Variants in NEB observed in about 807,000 individuals in gnomAD.
NEB encodes the protein nebulin.
A neutral mutation model predicts 952.2 loss-of-function variants in NEB; 512 were observed. The observed-to-expected ratio is 0.54, with a 90% CI of 0.50 to 0.58. The LOEUF is 0.58. Ranked by LOEUF, NEB falls within the 20% of genes least tolerant of loss-of-function variation. The pLI is 0.00. For synonymous variants in NEB, 2,900 were observed against 3,149.8 expected (o/e 0.92, Z 2.66); for missense variants, 8,428 against 9,231.1 (o/e 0.91, Z 3.56).
chr2:151,570,590 A>G lies in NEB; in HGVS notation c.17025T>C (p.Arg5675=). The G allele has an allele frequency of 6.3e-7, 1 of 1,595,374 alleles. No individual in the cohort carries two copies. Among genetic ancestry groups the G allele is most frequent in the Non-Finnish European group, 8.5e-7 (1 of 1,170,628 alleles). The change falls in exon 108 of 182, where the codon CGT becomes CGC. Residue 5675 remains arginine (R), a synonymous_variant. Transcript: ENST00000397345. ...CCGCCTTCATTTCATCCCAGCCCTCACGGTAAAGTTTCTGAAAAGGAGAAA... is the reference window on the plus strand; with the variant it reads ...CCGCCTTCATTTCATCCCAGCCCTCGCGGTAAAGTTTCTGAAAAGGAGAAA... ...NALNVSNKLY[R]EGWDEMKAGC...
intron 8 of NEB, among the ~76,000 whole-genome samples, chr2:151,724,000 C>T (rs1307201457): frequency 6.6e-6 from 1 of 152,040 alleles, no homozygotes; most frequent in African/African-American, 2.4e-5. Flanking sequence ...TTCTCCAGAG[C>T]ACCTTTATTC....
In NEB at chr2:151,697,172, A is replaced by C. The variant is rs771153817; in HGVS notation, c.1446T>G (p.Ile482Met). The change falls in exon 16 of 182, where the codon ATT becomes ATG. Residue 482 changes from isoleucine to methionine, a missense_variant. Around this residue, in one of 11 missense-constraint regions of NEB, gnomAD observed 2,851 missense variants for 2,791.5 expected, o/e 1.02. Transcript: ENST00000397345. ...CGTCTTTACACTGATCTAGTTTCTT[A>C]ATTGCTTCATATTCTTGAGTTATGG... ...PQTITQEYEA[I>M]KKLDQCKDHT... 6.2e-6 allele frequency: 10 copies of C among 1,613,374 alleles called. No individual in the cohort carries two copies. The Admixed American group carries it at 1.5e-4, about 24-fold the overall frequency.
rs2098615768 is a variant in NEB, at chr2:151,629,616, T to G, written c.9754A>C (p.Lys3252Gln). 6.2e-7 allele frequency: 1 copy of G among 1,613,792 alleles called. No homozygotes were observed. Among genetic ancestry groups the G allele is most frequent in the South Asian group, 1.1e-5 (1 of 91,084 alleles). The part of the protein sequence containing the change: ...TLYKLANEEA[K>Q]KKGYDLRSDA... ...CTTCGCAAGTCGTAGCCTTTCTTTT[T>G]TGCTTCTTCATTGGCAAGTTTGTAT... The change falls in exon 68 of 182, where the codon AAA (lysine) becomes CAA (glutamine). Residue 3252 changes from lysine to glutamine, a missense_variant. Transcript: ENST00000397345.
intron 169 of NEB, among the ~76,000 whole-genome samples, 162 bp downstream of exon 169, chr2:151,499,136 C>A (rs996156947): frequency 6.6e-6 from 1 of 151,548 alleles, no homozygotes; most frequent in African/African-American, 2.4e-5. Context: ...AATGTTTTAC[C>A]AAAATGGGGA....
chr2:151,715,334 T>C (rs1364807521), intron 10 of NEB, among the ~76,000 whole-genome samples: 1 of 152,272 alleles, frequency 6.6e-6, no homozygotes, highest in Non-Finnish European at 1.5e-5. Context: ...AACATTCTTT[T>C]CTTCATAATT....
chr2:151,521,699 C>A (rs543356769), intron 153 of NEB, among the ~76,000 whole-genome samples: 2 of 152,176 alleles, frequency 1.3e-5, no homozygotes, highest in East Asian at 3.9e-4. Flanking sequence ...AGCAGCAATC[C>A]CATTGATTCC....
At chr2:151,711,220 T>C (rs924330320) in intron 10 of NEB, among the ~76,000 whole-genome samples, 4 of 152,190 alleles carry the variant, frequency 2.6e-5, no homozygotes, top group African/African-American at 9.6e-5. Context: ...TACACTAAAC[T>C]GAGACCATGA....
At chr2:151,694,698 G>A in intron 18 of NEB, 69 bp from the exon 19 acceptor site, 1 of 1,165,568 alleles carries the variant, frequency 8.6e-7, no homozygotes, top group Non-Finnish European at 1.3e-6. Flanking sequence ...AAAGACTAGT[G>A]GGTAACTAAA....
intron 157 of NEB, 54 bp downstream of exon 157, chr2:151,516,405 T>G: frequency 8.0e-7 from 1 of 1,249,316 alleles, no homozygotes; most frequent in South Asian, 1.3e-5. Context: ...GGGCAGAGCT[T>G]GTGTTCAGTA....
At chr2:151,529,457 G>A in intron 145 of NEB, 143 bp from the exon 146 acceptor site, 1 of 644,080 alleles carries the variant, frequency 1.6e-6, no homozygotes, top group Non-Finnish European at 2.8e-6. Context: ...TGTGGAGCAA[G>A]GATACAGCCA....
At chr2:151,636,551 G>A (rs561773632) in intron 63 of NEB, among the ~76,000 whole-genome samples, 18 of 152,196 alleles carry the variant, frequency 1.2e-4, no homozygotes, top group Admixed American at 9.8e-4. Context: ...AGGCAGAGGC[G>A]GGTGGATCAC....
rs147475315 is a variant in NEB at position 151,610,671 on chromosome 2, G to A, written c.11911-48C>T. On this transcript the variant is annotated intron_variant, in intron 79 of 181. Transcript: ENST00000397345. ...CAGAAAATAAGAGTGTTTGAGGAAG[G>A]TAATAGGCCAATTCCAGAAAGGAAA... is the stretch of plus-strand genomic sequence containing the variant. The A allele has an allele frequency of 9.6e-5, 151 of 1,572,856 alleles. 1 individual carries two copies. In the East Asian group the frequency reaches 2.7e-3, roughly 28 times the overall value.
At chr2:151,659,381 C>T (rs1256649938) in intron 46 of NEB, among the ~76,000 whole-genome samples, 1 of 152,092 alleles carries the variant, frequency 6.6e-6, no homozygotes, top group Non-Finnish European at 1.5e-5. Context: ...ACTGCAACCT[C>T]CACCTCCCAG....
chr2:151,698,189 C>T (rs2099611194), intron 13 of NEB, among the ~76,000 whole-genome samples: 1 of 152,172 alleles, frequency 6.6e-6, no homozygotes. Context: ...TTCATACATT[C>T]CAAACTCAAA....
At chr2:151,492,007 T>G in intron 178 of NEB, 91 bp downstream of exon 178, 1 of 1,342,094 alleles carries the variant, frequency 7.5e-7, no homozygotes, top group Non-Finnish European at 1.0e-6. Context: ...TTGAAGTCCT[T>G]TATGTTTTGA....
At chr2:151,650,148 A>G (rs1490544160) in intron 54 of NEB, 28 bp downstream of exon 54, 1 of 1,601,684 alleles carries the variant, frequency 6.2e-7, no homozygotes, top group Non-Finnish European at 8.6e-7. Context: ...AGGCACTATA[A>G]TCTATTTATT....
In NEB at chr2:151,633,747, G is replaced by A. The variant is rs749837540; in HGVS notation, c.9321C>T (p.Asp3107=). 18 of 1,613,838 alleles carry A rather than the reference G, an allele frequency of 1.1e-5. No individual in the cohort carries two copies. The East Asian group carries it at 2.0e-4, about 18-fold the overall frequency. Residue 3107 remains aspartate (D), a synonymous_variant, in exon 65 of 182, where the codon GAC becomes GAT. Transcript: ENST00000397345. ...LAKKCQTLVS[D]VDYKNYLHEW... ...CGTGCAGGTAGTTCTTATAGTCCAC[G>A]TCACTGACTAAGGTCTGGCACTTCT...
At chr2:151,551,909 A>T (rs561450014) in intron 128 of NEB, 64 bp from the exon 129 acceptor site, 64 of 1,149,132 alleles carry the variant, frequency 5.6e-5, no homozygotes, top group Non-Finnish European at 7.6e-5. Flanking sequence ...TCTTTAAAAA[A>T]AATAACGGTA....
chr2:151,497,743 A>G lies in NEB; in HGVS notation c.24208-25T>C, dbSNP rs2061243938. 2.6e-6 allele frequency: 4 copies of G among 1,558,522 alleles called. No individual in the cohort carries two copies. In the East Asian group the frequency reaches 7.1e-5, roughly 28 times the overall value. ...CCTGTGCGATAAGAAAGCATCCAGAAAAACAACCATGAGTAACATTTCATT... is the reference window on the plus strand; with the variant it reads ...CCTGTGCGATAAGAAAGCATCCAGAGAAACAACCATGAGTAACATTTCATT... On this transcript the variant is annotated intron_variant, in intron 170 of 181. Coordinates refer to ENST00000397345, the MANE Select transcript of NEB (RefSeq NM_001164508.2).
Sources: allele counts gnomAD v4.1 joint callset (sites outside exome capture counted in the v4.1 genomes callset), GRCh38; gene constraint gnomAD v4.1.1; regional missense constraint gnomAD v4.1.1; transcripts MANE v1.5; gene names NCBI Gene and HGNC (gene_info 2026-07-23, HGNC 2026-07-21).